NRK: variants seen among roughly 807,000 people sequenced by gnomAD.
NRK encodes Nik related kinase.
In NRK, 67 loss-of-function variants were observed where a neutral mutation model predicts 125.2. That is an observed-to-expected ratio of 0.54 (90% CI 0.44 to 0.66). NRK has a LOEUF of 0.66. Ranked by LOEUF, NRK falls within the 30% of genes least tolerant of loss-of-function variation. NRK has a pLI of 0.00. For missense variants in NRK, 1,224 were observed against 1,192.9 expected (o/e 1.03, Z -0.38); for synonymous variants, 458 against 429.0 (o/e 1.07, Z -0.84).
At chrX:105,870,651 T>C (rs2039733979) in intron 2 of NRK, among the ~76,000 whole-genome samples, 1 of 111,948 alleles carries the variant, frequency 8.9e-6, no homozygotes, top group Non-Finnish European at 1.9e-5. Flanking sequence ...GTGCAAATGA[T>C]GTTACTATGT....
chrX:105,865,329 G>T (rs1420536227), intron 2 of NRK, among the ~76,000 whole-genome samples: 1 of 110,961 alleles, frequency 9.0e-6, no homozygotes, highest in African/African-American at 3.3e-5. Flanking sequence ...CACTCTTTTG[G>T]GTACTTCCCC....
chrX:105,923,222 A>G lies in NRK; in HGVS notation c.2715A>G (p.Leu905=). 2 of 1,209,437 alleles carry G rather than the reference A, an allele frequency of 1.7e-6. No homozygotes were observed. The highest frequency in any genetic ancestry group is 2.2e-6 in the Non-Finnish European group (2 of 893,830). The change falls in exon 18 of 29, where the codon TTA becomes TTG. Residue 905 remains leucine (L), a synonymous_variant. Transcript: ENST00000243300. ...ALSEIFRNDW[L]TPAPVIQPPE... ...CTGAAATCTTCCGGAATGATTGGTT[A>G]ACTCCGGCACCTGTCATTCAGCCAC... is the stretch of plus-strand genomic sequence containing the variant.
At chrX:105,829,927 A>G (rs1283436742) in intron 1 of NRK, among the ~76,000 whole-genome samples, 1 of 111,047 alleles carries the variant, frequency 9.0e-6, no homozygotes, top group Non-Finnish European at 1.9e-5. Flanking sequence ...CACTATTCTA[A>G]TGCCAAAACC....
chrX:105,855,400 G>A (rs980656367), intron 2 of NRK, among the ~76,000 whole-genome samples: 5 of 111,529 alleles, frequency 4.5e-5, no homozygotes, highest in African/African-American at 1.6e-4. Flanking sequence ...AGCTACAAGT[G>A]ACAGTGGGAA....
At position 105,846,839 on chromosome X, in the gene NRK, T is replaced by A. The variant is rs751655799; in HGVS notation, c.123+15720T>A. Among the ~76,000 whole-genome samples, 4 of 112,337 alleles carry A rather than the reference T, an allele frequency of 3.6e-5. No homozygotes were observed. In the Admixed American group the frequency reaches 3.8e-4, roughly 11 times the overall value. On this transcript the variant is annotated intron_variant, in intron 2 of 28. Coordinates refer to ENST00000243300, the MANE Select transcript of NRK (RefSeq NM_198465.4). ...GTCTTAGATTCTAGCCAATTACAATTCAAGATAACTTTAATTAAGAGCTTA... is the reference window on the plus strand; with the variant it reads ...GTCTTAGATTCTAGCCAATTACAATACAAGATAACTTTAATTAAGAGCTTA...
At chrX:105,874,686 A>T (rs1449418565) in intron 2 of NRK, among the ~76,000 whole-genome samples, 1 of 111,919 alleles carries the variant, frequency 8.9e-6, no homozygotes, top group East Asian at 2.8e-4. Flanking sequence ...AGTATCTTAA[A>T]TTCAGGGACA....
chrX:105,890,693 G>C (rs937273085), intron 5 of NRK, among the ~76,000 whole-genome samples: 3 of 111,354 alleles, frequency 2.7e-5, no homozygotes, highest in African/African-American at 9.8e-5. Flanking sequence ...CTCAAATCTC[G>C]TGACACTTAT....
In NRK at chrX:105,888,349, A is replaced by G. The variant is rs1245457235; in HGVS notation, c.308A>G (p.His103Arg). Reference protein sequence around the residue: ...ELNLLRKYSFHKNIVSFYGAF... With the variant: ...ELNLLRKYSFRKNIVSFYGAF... Reference sequence around the variant, plus strand: ...AACCTTCTGAGGAAGTACTCTTTCCACAAAAACATTGTGTCCTTCTATGGA... The same window carrying G: ...AACCTTCTGAGGAAGTACTCTTTCCGCAAAAACATTGTGTCCTTCTATGGA... Residue 103 changes from histidine (H) to arginine (R), a missense_variant, in exon 5 of 29, where the codon CAC (histidine) becomes CGC (arginine). Physicochemically the swap from His to Arg is conservative, Grantham distance 29. Coordinates refer to ENST00000243300, the MANE Select transcript of NRK (RefSeq NM_198465.4). 2 of 1,195,953 alleles carry G rather than the reference A, an allele frequency of 1.7e-6. No homozygotes were observed. Among genetic ancestry groups the G allele is most frequent in the African/African-American group, 3.5e-5 (2 of 56,874 alleles).
intron 1 of NRK, among the ~76,000 whole-genome samples, chrX:105,829,344 A>C (rs923496266): frequency 2.5e-4 from 28 of 112,346 alleles, no homozygotes; most frequent in Admixed American, 7.6e-4. Context: ...GCATATGCTC[A>C]ATAGTTTTCC....
In NRK at chrX:105,831,056, TC is replaced by T; in HGVS notation, c.62del (p.Pro21GlnfsTer7). 1 of 1,147,999 alleles carries T rather than the reference TC, an allele frequency of 8.7e-7. No homozygotes were observed. The highest frequency in any genetic ancestry group is 1.2e-6 in the Non-Finnish European group (1 of 842,266). The allele number at this position is 1,147,999 out of a possible 1,213,427, so 94.6% of individuals were successfully genotyped here. The stretch of plus-strand genomic sequence containing the variant: ...ATTTTTATTTTACTTTTTTGCAGGA[TC>T]CAACTGGAATATTCTCACTAGATAA... ...EVTDLGHLPD[P>X]TGIFSLDKTI... is the part of the protein sequence containing the mutation. On this transcript the variant is annotated frameshift_variant, in exon 2 of 29. Transcript: ENST00000243300. LOFTEE classifies it high-confidence loss of function.
intron 27 of NRK, among the ~76,000 whole-genome samples, chrX:105,950,633 T>C (rs1182786156): frequency 2.8e-5 from 3 of 106,288 alleles, no homozygotes; most frequent in Non-Finnish European, 5.8e-5. Context: ...AGTGTTCCCA[T>C]TTCCAAAACA....
chrX:105,884,161 T>C (rs2039915223), intron 4 of NRK, among the ~76,000 whole-genome samples: 2 of 112,002 alleles, frequency 1.8e-5, no homozygotes, highest in South Asian at 7.4e-4. Context: ...AGGGAACCTA[T>C]CACTGAGATT....
At chrX:105,875,320 C>T (rs1181763119) in intron 2 of NRK, among the ~76,000 whole-genome samples, 1 of 111,393 alleles carries the variant, frequency 9.0e-6, no homozygotes, top group African/African-American at 3.3e-5. Flanking sequence ...ATTCCAGAAA[C>T]CTGCTTCTTT....
At chrX:105,841,215 G>A (rs946366499) in intron 2 of NRK, among the ~76,000 whole-genome samples, 2 of 111,287 alleles carry the variant, frequency 1.8e-5, no homozygotes, top group Non-Finnish European at 3.8e-5. Context: ...AAAAGTGGAA[G>A]CTCTTATAAT....
chrX:105,917,126 C>T (rs958968260), intron 15 of NRK, among the ~76,000 whole-genome samples: 1 of 110,524 alleles, frequency 9.0e-6, no homozygotes, highest in African/African-American at 3.3e-5. Flanking sequence ...TATCTAAATC[C>T]GGAATGGGAC....
chrX:105,905,996 G>T (rs190092943), intron 10 of NRK, among the ~76,000 whole-genome samples: 1 of 111,438 alleles, frequency 9.0e-6, no homozygotes, highest in Non-Finnish European at 1.9e-5. Context: ...TCCTATTTTT[G>T]GATCATTATA....
At chrX:105,867,088 G>T (rs1207000094) in intron 2 of NRK, among the ~76,000 whole-genome samples, 1 of 111,151 alleles carries the variant, frequency 9.0e-6, no homozygotes, top group African/African-American at 3.3e-5. Context: ...AATATACTAG[G>T]TTCTCTAAGG....
intron 8 of NRK, among the ~76,000 whole-genome samples, chrX:105,899,548 G>A (rs999176107): frequency 6.2e-5 from 7 of 112,098 alleles, no homozygotes; most frequent in Non-Finnish European, 1.3e-4. Context: ...TGTTCTTCAA[G>A]TGGCTTTTTA....
In NRK at chrX:105,922,030, C is replaced by G. The variant is rs2040457627; in HGVS notation, c.2579C>G (p.Thr860Ser). ...RRSQSSPPYS[T>S]IDQKLLVDIH... ...TCTCAGTCATCACCACCTTATTCTA[C>G]TATTGATCAGAAGTTGCTGGTTGAC... Residue 860 changes from threonine to serine, a missense_variant, in exon 17 of 29, where the codon ACT becomes AGT. Physicochemically the swap from Thr to Ser is moderately conservative, Grantham distance 58. Transcript: ENST00000243300. 4 of 1,159,511 alleles carry G rather than the reference C, an allele frequency of 3.4e-6. No homozygotes were observed. Among genetic ancestry groups the G allele is most frequent in the Non-Finnish European group, 2.3e-6 (2 of 851,517 alleles).
Sources: allele counts gnomAD v4.1 joint callset (sites outside exome capture counted in the v4.1 genomes callset), GRCh38; gene constraint gnomAD v4.1.1; transcripts MANE v1.5; gene names NCBI Gene and HGNC (gene_info 2026-07-23, HGNC 2026-07-21).